DIP2A: variants seen among roughly 807,000 people sequenced by gnomAD.
DIP2A encodes DIP2 acetate--CoA ligase A.
A neutral mutation model predicts 177.4 loss-of-function variants in DIP2A; 85 were observed. The observed-to-expected ratio is 0.48, with a 90% CI of 0.40 to 0.57. DIP2A has a LOEUF of 0.57. Ranked by LOEUF, DIP2A falls within the 20% of genes least tolerant of loss-of-function variation. The pLI, the probability that DIP2A is intolerant of heterozygous loss-of-function variation, is 0.00. For synonymous variants in DIP2A, 886 were observed against 881.8 expected (o/e 1.00, Z -0.08); for missense variants, 1,791 against 2,100.2 (o/e 0.85, Z 2.88).
downstream of DIP2A, among the ~76,000 whole-genome samples, chr21:46,570,133 C>T (rs2060940668): frequency 6.6e-6 from 1 of 152,148 alleles, no homozygotes; most frequent in Non-Finnish European, 1.5e-5. Context: ...GCAGTGAGCC[C>T]AGATGCACGT....
chr21:46,572,647 G>A (rs2060976433), downstream of DIP2A, among the ~76,000 whole-genome samples: 1 of 152,196 alleles, frequency 6.6e-6, no homozygotes, highest in African/African-American at 2.4e-5. Flanking sequence ...AGTCTGCAGA[G>A]AGTCCCTACC....
At chr21:46,509,840 A>G (rs1788272289) in intron 7 of DIP2A, among the ~76,000 whole-genome samples, 2 of 152,142 alleles carry the variant, frequency 1.3e-5, no homozygotes. Flanking sequence ...CAGTACAAAC[A>G]TGTGAGTGTG....
chr21:46,481,409 G>A (rs1174222606), intron 1 of DIP2A, among the ~76,000 whole-genome samples: 3 of 152,138 alleles, frequency 2.0e-5, no homozygotes, highest in Non-Finnish European at 4.4e-5. Context: ...AGAATAAAGT[G>A]GCTATAAACA....
chr21:46,550,209 T>C, intron 22 of DIP2A: 2 of 740,488 alleles, frequency 2.7e-6, no homozygotes, highest in Non-Finnish European at 2.1e-6. Context: ...CTGTGCAATA[T>C]ATCTCAAAGA....
At chr21:46,463,405 T>C (rs1343145342) in intron 1 of DIP2A, among the ~76,000 whole-genome samples, 2 of 152,238 alleles carry the variant, frequency 1.3e-5, no homozygotes, top group African/African-American at 2.4e-5. Flanking sequence ...ATTTTGTTCT[T>C]TGTTTTAATA....
At position 46,498,885 on chromosome 21, in the gene DIP2A, G is replaced by A. The variant is rs1335227152; in HGVS notation, c.655+52G>A. 8 of 1,531,636 alleles carry A rather than the reference G, an allele frequency of 5.2e-6. No individual in the cohort carries two copies. The highest frequency in any genetic ancestry group is 7.0e-6 in the Non-Finnish European group (8 of 1,135,698). The allele number at this position is 1,531,636 out of a possible 1,614,324, so 94.9% of individuals were successfully genotyped here. On this transcript the variant is annotated intron_variant, in intron 5 of 37. Transcript: ENST00000417564. The surrounding 1 kb of genome is among the most constrained non-coding windows in gnomAD (Gnocchi z 4.3). The stretch of plus-strand genomic sequence containing the variant: ...GTGCCAGCAGAGCGGGGTCAGGAGT[G>A]TCCAGGACAGAGGAGCAGATGGAGG...
chr21:46,544,843 CAG>C (rs1979951260), intron 18 of DIP2A, among the ~76,000 whole-genome samples: 2 of 152,102 alleles, frequency 1.3e-5, no homozygotes, highest in Admixed American at 6.5e-5. Flanking sequence ...AGAGGAGGCA[CAG>C]GGTTTATTTA....
chr21:46,475,152 T>C (rs1210893962), intron 1 of DIP2A, among the ~76,000 whole-genome samples: 1 of 151,806 alleles, frequency 6.6e-6, no homozygotes, highest in Admixed American at 6.6e-5. Flanking sequence ...AACATTGAAG[T>C]GGATAATATC....
At chr21:46,562,973 C>CGGCT (rs1195722662) in intron 34 of DIP2A, among the ~76,000 whole-genome samples, 1 of 152,212 alleles carries the variant, frequency 6.6e-6, no homozygotes, top group African/African-American at 2.4e-5. Flanking sequence ...CTGCCATGTA[C>CGGCT]AGCCGCACTG....
chr21:46,556,871 G>A lies in DIP2A; in HGVS notation c.3499-68G>A, dbSNP rs1035051053. 6.5e-6 allele frequency: 9 copies of A among 1,393,458 alleles called. No homozygotes were observed. The highest frequency in any genetic ancestry group is 8.7e-6 in the Non-Finnish European group (9 of 1,035,532). The allele number at this position is 1,393,458 out of a possible 1,614,324, so 86.3% of individuals were successfully genotyped here. A position where few individuals can be genotyped will look rare whatever the true frequency, so the allele number is the denominator to read the frequency against. ...TCTAGCCATGTGAACAGCGGACACTGCCATCCACCCTCTCCCCTCCTGAAT... is the reference window on the plus strand; with the variant it reads ...TCTAGCCATGTGAACAGCGGACACTACCATCCACCCTCTCCCCTCCTGAAT... On this transcript the variant is annotated intron_variant, in intron 29 of 37. Coordinates refer to ENST00000417564, the MANE Select transcript of DIP2A (RefSeq NM_015151.4). The surrounding 1 kb of genome is among the most constrained non-coding windows in gnomAD (Gnocchi z 4.5).
Position 46,509,953 on chromosome 21 carries a change from C to A in DIP2A, c.904+577C>A, listed in dbSNP as rs141423533. Reference sequence around the variant, plus strand: ...GACCAGCCCAGAGTCTCCTCCACACCCGAGGATTAGACATAGCTTTCAGGA... The same window carrying A: ...GACCAGCCCAGAGTCTCCTCCACACACGAGGATTAGACATAGCTTTCAGGA... On this transcript the variant is annotated intron_variant, in intron 7 of 37. Transcript: ENST00000417564. Among the ~76,000 whole-genome samples, 204 of 152,244 alleles carry A rather than the reference C, an allele frequency of 1.3e-3. 2 individuals carry two copies. Among genetic ancestry groups the A allele is most frequent in the African/African-American group, 4.6e-3 (193 of 41,528 alleles).
chr21:46,582,970 AAAAC>A, the DIP2A span, among the ~76,000 whole-genome samples: 1 of 152,150 alleles, frequency 6.6e-6, no homozygotes, highest in Non-Finnish European at 1.5e-5. Context: ...CAAACAAACA[AAAAC>A]AAAAAATAAG....
chr21:46,493,845 G>A (rs2057159755), intron 3 of DIP2A, among the ~76,000 whole-genome samples: 1 of 152,066 alleles, frequency 6.6e-6, no homozygotes, highest in Non-Finnish European at 1.5e-5. Context: ...CTACAAAACT[G>A]GCCATCATTG....
intron 6 of DIP2A, among the ~76,000 whole-genome samples, chr21:46,506,324 T>C (rs1437670443): frequency 6.6e-6 from 1 of 152,116 alleles, no homozygotes; most frequent in Non-Finnish European, 1.5e-5. Flanking sequence ...CACCATGTTG[T>C]CCAGGCTGGT....
At position 46,558,166 on chromosome 21, in the gene DIP2A, G is replaced by T. The variant is rs553165372; in HGVS notation, c.3799-57G>T. 1.4e-4 allele frequency: 210 copies of T among 1,537,332 alleles called. No individual in the cohort carries two copies. In the East Asian group the frequency reaches 4.8e-3, roughly 35 times the overall value. On this transcript the variant is annotated intron_variant, in intron 31 of 37. Transcript: ENST00000417564. ...CGGAGATTTCCCAAAACAGTGCCCAGGGCCCTGGCAACTCACTGAGCTGTG... is the reference window on the plus strand; with the variant it reads ...CGGAGATTTCCCAAAACAGTGCCCATGGCCCTGGCAACTCACTGAGCTGTG...
At chr21:46,496,908 A>C in intron 3 of DIP2A, 80 bp from the exon 4 acceptor site, 1 of 1,437,058 alleles carries the variant, frequency 7.0e-7, no homozygotes, top group East Asian at 2.6e-5. Flanking sequence ...CACTGAAAAC[A>C]AACAAAAACA....
intron 1 of DIP2A, among the ~76,000 whole-genome samples, chr21:46,467,068 G>T (rs896965698): frequency 6.6e-6 from 1 of 151,798 alleles, no homozygotes; most frequent in Non-Finnish European, 1.5e-5. Context: ...AAGTCGAGGC[G>T]GGCGGATCAC....
chr21:46,550,831 C>T (rs916641717), intron 23 of DIP2A, 87 bp downstream of exon 23: 19 of 1,331,762 alleles, frequency 1.4e-5, no homozygotes, highest in African/African-American at 2.9e-5. Flanking sequence ...TGCTAGACCT[C>T]CAGTGCCAAC....
chr21:46,578,244 G>A, the DIP2A span, among the ~76,000 whole-genome samples: 18,364 of 152,162 alleles, frequency 0.12, 1,471 homozygotes, highest in African/African-American at 0.22. Context: ...CCTGGGAGGC[G>A]GTGGTTGCAG....
Sources: gnomAD v4.1 joint callset for allele counts (sites outside exome capture counted in the v4.1 genomes callset) on GRCh38, gnomAD v4.1.1 for gene constraint, Gnocchi (gnomAD v3.1) non-coding constraint, MANE v1.5 for transcripts, NCBI Gene and HGNC (gene_info 2026-07-23, HGNC 2026-07-21) for gene names.